Variants in TCERG1L observed in about 807,000 individuals in gnomAD.
TCERG1L encodes the protein transcription elongation regulator 1 like, also known as transcription elongation regulator 1-like protein.
TCERG1L carries 37 observed loss-of-function variants against 56.3 expected under a neutral mutation model. That is an observed-to-expected ratio of 0.66 (90% confidence interval 0.51 to 0.87). The LOEUF is 0.87. Ranked by LOEUF, TCERG1L falls within the 40% of genes least tolerant of loss-of-function variation. The pLI, the probability that TCERG1L is intolerant of heterozygous loss-of-function variation, is 0.00. For missense variants in TCERG1L, 799 were observed against 774.2 expected (o/e 1.03, Z -0.38); for synonymous variants, 324 against 326.3 (o/e 0.99, Z 0.08).
intron 3 of TCERG1L, among the ~76,000 whole-genome samples, chr10:131,262,572 T>C (rs1324203818): frequency 6.6e-6 from 1 of 152,190 alleles, no homozygotes; most frequent in Non-Finnish European, 1.5e-5. Flanking sequence ...CCCTAATGGA[T>C]GCCTCCACTC....
chr10:131,107,392 A>G (rs1380135364), intron 9 of TCERG1L, among the ~76,000 whole-genome samples: 1 of 152,222 alleles, frequency 6.6e-6, no homozygotes, highest in African/African-American at 2.4e-5. Context: ...TATAATCTCT[A>G]TAGAAGGTCA....
At chr10:131,148,391 AAC>A (rs1456450899) in intron 6 of TCERG1L, among the ~76,000 whole-genome samples, 22 of 150,580 alleles carry the variant, frequency 1.5e-4, no homozygotes, top group Non-Finnish European at 2.2e-4. Context: ...CACACACATA[AAC>A]ACACAGATAT....
At chr10:131,200,035 C>T (rs758884427) in intron 4 of TCERG1L, among the ~76,000 whole-genome samples, 1 of 152,190 alleles carries the variant, frequency 6.6e-6, no homozygotes, top group Non-Finnish European at 1.5e-5. Flanking sequence ...ATCTATATCA[C>T]TACTTTTCCC....
chr10:131,208,570 G>A (rs1233680378), intron 4 of TCERG1L, among the ~76,000 whole-genome samples: 1 of 152,216 alleles, frequency 6.6e-6, no homozygotes, highest in Non-Finnish European at 1.5e-5. Context: ...ATGTGCTAAT[G>A]CTCCACAATC....
chr10:131,154,446 G>A (rs1324376929), intron 6 of TCERG1L, among the ~76,000 whole-genome samples: 1 of 152,220 alleles, frequency 6.6e-6, no homozygotes, highest in Admixed American at 6.5e-5. Flanking sequence ...CCTGTTCCAG[G>A]AGTGTCCTGG....
rs115178742 is a variant in TCERG1L at position 131,282,310 on chromosome 10, C to T, written c.671-21866G>A. Among the ~76,000 whole-genome samples the T allele has an allele frequency of 7.4e-5, 10 of 135,638 alleles. No homozygotes were observed. The East Asian group carries it at 1.5e-3, about 21-fold the overall frequency. The allele number at this position is 135,638 out of a possible 152,430, so 89.0% of individuals were successfully genotyped here. ...CACATTTTCAGGAATTCAAAAAAAC[C>T]GTGTTATAGGAATTACGATGGTGAC... On this transcript the variant is annotated intron_variant, in intron 3 of 11. Coordinates refer to ENST00000368642, the MANE Select transcript of TCERG1L (RefSeq NM_174937.4).
At chr10:131,147,935 G>A (rs1225181509) in intron 6 of TCERG1L, among the ~76,000 whole-genome samples, 1 of 152,204 alleles carries the variant, frequency 6.6e-6, no homozygotes, top group African/African-American at 2.4e-5. Flanking sequence ...ACCCAGGCAC[G>A]TTCCATGGGC....
intron 11 of TCERG1L, 143 bp from the exon 12 acceptor site, chr10:131,093,461 G>A (rs377709634): frequency 1.7e-4 from 163 of 949,328 alleles, no homozygotes; most frequent in East Asian, 5.7e-4. Flanking sequence ...GTGGGTGAGC[G>A]GCTCTGACCA....
At chr10:131,170,368 T>C (rs902602163) in intron 4 of TCERG1L, among the ~76,000 whole-genome samples, 6 of 152,116 alleles carry the variant, frequency 3.9e-5, no homozygotes, top group Non-Finnish European at 8.8e-5. Context: ...AACTAGTTTA[T>C]GGAGGAAAAT....
At chr10:131,249,450 G>A (rs1333810345) in intron 4 of TCERG1L, among the ~76,000 whole-genome samples, 1 of 152,120 alleles carries the variant, frequency 6.6e-6, no homozygotes, top group Non-Finnish European at 1.5e-5. Flanking sequence ...TCACGGCCCT[G>A]ACAGTGGCTC....
chr10:131,093,432 G>T, intron 11 of TCERG1L, 114 bp from the exon 12 acceptor site: 1 of 1,312,932 alleles, frequency 7.6e-7, no homozygotes, highest in Non-Finnish European at 1.0e-6. Context: ...AGGCCTGGCC[G>T]TGGGTGGCAG....
chr10:131,127,198 G>A (rs1047995896), intron 8 of TCERG1L, among the ~76,000 whole-genome samples: 27 of 152,136 alleles, frequency 1.8e-4, no homozygotes, highest in African/African-American at 4.6e-4. Flanking sequence ...TAAGCACACC[G>A]AATTGTTAGA....
chr10:131,106,317 T>C (rs1445977461), intron 9 of TCERG1L, among the ~76,000 whole-genome samples: 2 of 152,152 alleles, frequency 1.3e-5, no homozygotes, highest in African/African-American at 4.8e-5. Context: ...ACTAGGGCCA[T>C]GGCGGAGACA....
At position 131,192,884 on chromosome 10, in the gene TCERG1L, A is replaced by G. The variant is rs149756429; in HGVS notation, c.857-25999T>C. On this transcript the variant is annotated intron_variant, in intron 4 of 11. Coordinates refer to ENST00000368642, the MANE Select transcript of TCERG1L (RefSeq NM_174937.4). Reference sequence around the variant, plus strand: ...CAGGGAGAGTGTGAGGAGCTGAGGGACAAAAAAACTACACATTAGGTATGA... The same window carrying G: ...CAGGGAGAGTGTGAGGAGCTGAGGGGCAAAAAAACTACACATTAGGTATGA... Among the ~76,000 whole-genome samples, 83 of 150,006 alleles carry G rather than the reference A, an allele frequency of 5.5e-4. 6 individuals carry two copies. The Middle Eastern group carries it at 0.021, about 38-fold the overall frequency.
At chr10:131,174,444 G>A (rs947384043) in intron 4 of TCERG1L, among the ~76,000 whole-genome samples, 2 of 152,102 alleles carry the variant, frequency 1.3e-5, no homozygotes, top group African/African-American at 2.4e-5. Context: ...GTTGGAGAGG[G>A]CTCAGGTCAG....
chr10:131,184,762 T>A (rs1845218106), intron 4 of TCERG1L, among the ~76,000 whole-genome samples: 1 of 152,238 alleles, frequency 6.6e-6, no homozygotes, highest in Non-Finnish European at 1.5e-5. Flanking sequence ...GGTGCACAAG[T>A]GTCCATCAGC....
intron 3 of TCERG1L, among the ~76,000 whole-genome samples, chr10:131,287,959 G>A (rs763352348): frequency 3.9e-5 from 6 of 152,232 alleles, no homozygotes; most frequent in African/African-American, 7.2e-5. Flanking sequence ...AATTTTAAAC[G>A]ATAGACTAGA....
intron 4 of TCERG1L, among the ~76,000 whole-genome samples, chr10:131,210,606 C>T (rs887969219): frequency 6.6e-6 from 1 of 152,172 alleles, no homozygotes; most frequent in Admixed American, 6.5e-5. Flanking sequence ...CAACTAAGAA[C>T]TCTTAGGCAT....
Position 131,285,438 on chromosome 10 carries a change from A to C in TCERG1L, c.670+22773T>G, listed in dbSNP as rs1275178849. On this transcript the variant is annotated intron_variant, in intron 3 of 11. Coordinates refer to ENST00000368642, the MANE Select transcript of TCERG1L (RefSeq NM_174937.4). ...AAGAGAGAGAGAGAGAAAGAGAGAA[A>C]GAGAAACAAAGAAAGAGAGAGAAAG... Among the ~76,000 whole-genome samples the C allele has an allele frequency of 2.0e-5, 3 of 150,110 alleles. No individual in the cohort carries two copies. The East Asian group carries it at 5.8e-4, about 29-fold the overall frequency.
Sources: allele counts gnomAD v4.1 joint callset (sites outside exome capture counted in the v4.1 genomes callset), GRCh38; gene constraint gnomAD v4.1.1; transcripts MANE v1.5; gene names NCBI Gene and HGNC (gene_info 2026-07-23, HGNC 2026-07-21).